ADGRL2: variants seen among roughly 807,000 people sequenced by gnomAD.
The protein encoded by ADGRL2 is adhesion G protein-coupled receptor L2, also known as calcium-independent alpha-latrotoxin receptor 2.
Under a neutral mutation model 157.4 loss-of-function variants are expected in ADGRL2, and 44 were observed. The ratio of observed to expected loss-of-function variants is 0.28; its 90% CI spans 0.22 to 0.36. The LOEUF (loss-of-function observed/expected upper bound fraction) is 0.36. ADGRL2 is among the 10% of genes least tolerant of loss of function. The probability of loss-of-function intolerance (pLI) is 1.00; values close to 1 mark genes in which losing one functional copy is unlikely to be tolerated. For synonymous variants in ADGRL2, 585 were observed against 624.7 expected (o/e 0.94, Z 0.95); for missense variants, 1,510 against 1,768.9 (o/e 0.85, Z 2.63).
chr1:81,616,519 G>C (rs556653784), intron 3 of ADGRL2, among the ~76,000 whole-genome samples: 33 of 152,018 alleles, frequency 2.2e-4, no homozygotes, highest in Non-Finnish European at 4.1e-4. Flanking sequence ...TTTTCTGATT[G>C]TCCATTCGTT....
chr1:81,757,539 C>A lies in ADGRL2; in HGVS notation c.-142-4272C>A, dbSNP rs901314877. On this transcript the variant is annotated intron_variant, in intron 1 of 20. Coordinates refer to the ADGRL2 transcript ENST00000359929. ...AATAAGGTAAACACCAATCTGTAACCAATCCAGCTGTTTCTGTACCTCACT... is the reference window on the plus strand; with the variant it reads ...AATAAGGTAAACACCAATCTGTAACAAATCCAGCTGTTTCTGTACCTCACT... Among the ~76,000 whole-genome samples the A allele has an allele frequency of 5.3e-5, 8 of 152,106 alleles. No homozygotes were observed. The South Asian group carries it at 1.7e-3, about 31-fold the overall frequency.
intron 23 of ADGRL2, chr1:81,990,002 A>T: frequency 1.0e-6 from 1 of 984,564 alleles, no homozygotes; most frequent in Non-Finnish European, 1.2e-6. Context: ...TTTTATTTTT[A>T]TAAACCATAG....
rs1473422396 is a variant in ADGRL2, at chr1:81,725,493, C to G, written c.-143+25685C>G. On this transcript the variant is annotated intron_variant, in intron 1 of 20. Transcript: ENST00000359929. Reference sequence around the variant, plus strand: ...GGTGAAGGTTGCAGTGAGCTGAGATCATGCCATTTCACTCCAGCCTGGGTG... The same window carrying G: ...GGTGAAGGTTGCAGTGAGCTGAGATGATGCCATTTCACTCCAGCCTGGGTG... Among the ~76,000 whole-genome samples, 4 of 151,718 alleles carry G rather than the reference C, an allele frequency of 2.6e-5. No individual in the cohort carries two copies. The East Asian group carries it at 5.8e-4, about 22-fold the overall frequency.
At chr1:81,787,079 T>C (rs2087086251) in intron 2 of ADGRL2, among the ~76,000 whole-genome samples, 1 of 152,114 alleles carries the variant, frequency 6.6e-6, no homozygotes, top group Admixed American at 6.5e-5. Context: ...TGAATCTTCC[T>C]CATTTTTTCT....
chr1:81,792,886 T>C (rs1026725781), intron 2 of ADGRL2, among the ~76,000 whole-genome samples: 1 of 152,106 alleles, frequency 6.6e-6, no homozygotes, highest in African/African-American at 2.4e-5. Context: ...AAACAGACCA[T>C]TTTTAAAATT....
intron 3 of ADGRL2, among the ~76,000 whole-genome samples, chr1:81,932,271 G>C (rs1572201312): frequency 6.6e-6 from 1 of 152,106 alleles, no homozygotes; most frequent in African/African-American, 2.4e-5. Context: ...TGGTTCATAT[G>C]TGATGTATAC....
intron 1 of ADGRL2, among the ~76,000 whole-genome samples, chr1:81,811,741 T>C (rs549264176): frequency 6.6e-6 from 1 of 151,898 alleles, no homozygotes; most frequent in East Asian, 1.9e-4. Flanking sequence ...TTATTCAGAA[T>C]AAGAAGAAAA....
chr1:81,776,805 T>C (rs976356818), intron 2 of ADGRL2, among the ~76,000 whole-genome samples: 17 of 152,212 alleles, frequency 1.1e-4, no homozygotes, highest in African/African-American at 4.1e-4. Flanking sequence ...TCAAGCATTA[T>C]CACTTGCTGG....
intron 3 of ADGRL2, among the ~76,000 whole-genome samples, chr1:81,934,750 G>C (rs1024179553): frequency 6.6e-6 from 1 of 151,938 alleles, no homozygotes; most frequent in South Asian, 2.1e-4. Flanking sequence ...AAACCTAACA[G>C]TTTGGTTGAG....
intron 1 of ADGRL2, among the ~76,000 whole-genome samples, chr1:81,331,994 T>C (rs1557602924): frequency 6.6e-6 from 1 of 152,150 alleles, no homozygotes; most frequent in Non-Finnish European, 1.5e-5. Flanking sequence ...GTTAAATCAA[T>C]ATTACAGCTA....
chr1:81,489,071 C>G (rs748382048), intron 2 of ADGRL2, among the ~76,000 whole-genome samples: 12 of 151,966 alleles, frequency 7.9e-5, no homozygotes, highest in Non-Finnish European at 1.8e-4. Context: ...AACCCTGTCT[C>G]TACTAAAAAT....
At chr1:81,402,328 G>A (rs2076771482) in intron 1 of ADGRL2, among the ~76,000 whole-genome samples, 2 of 152,032 alleles carry the variant, frequency 1.3e-5, no homozygotes, top group Admixed American at 6.6e-5. Flanking sequence ...TCACCTGCTG[G>A]GTACAGAAAC....
intron 3 of ADGRL2, among the ~76,000 whole-genome samples, chr1:81,681,817 A>G (rs1359423655): frequency 6.6e-6 from 1 of 152,190 alleles, no homozygotes; most frequent in Non-Finnish European, 1.5e-5. Flanking sequence ...GATGATTCAT[A>G]TCGTTAATCA....
chr1:81,688,259 T>C (rs1279676832), intron 3 of ADGRL2, among the ~76,000 whole-genome samples: 1 of 152,216 alleles, frequency 6.6e-6, no homozygotes, highest in East Asian at 1.9e-4. Flanking sequence ...TTCCCCCAAA[T>C]ATGTTTTCCA....
chr1:81,398,786 T>A (rs1458454098), intron 1 of ADGRL2, among the ~76,000 whole-genome samples: 3 of 152,222 alleles, frequency 2.0e-5, no homozygotes, highest in Non-Finnish European at 4.4e-5. Flanking sequence ...AATGGAGATT[T>A]TCTTACAGAT....
chr1:81,340,352 C>G (rs904005688), intron 1 of ADGRL2, among the ~76,000 whole-genome samples: 4 of 152,154 alleles, frequency 2.6e-5, no homozygotes, highest in African/African-American at 9.7e-5. Flanking sequence ...CAAGCTTCTG[C>G]TTTTTGAAGA....
At chr1:81,975,642 G>T (rs1660007378) in intron 17 of ADGRL2, among the ~76,000 whole-genome samples, 1 of 151,798 alleles carries the variant, frequency 6.6e-6, no homozygotes, top group Non-Finnish European at 1.5e-5. Context: ...ATTATAATTG[G>T]TGGGGGCGGG....
At chr1:81,792,576 A>G (rs1334055634) in intron 2 of ADGRL2, among the ~76,000 whole-genome samples, 1 of 152,200 alleles carries the variant, frequency 6.6e-6, no homozygotes, top group Non-Finnish European at 1.5e-5. Flanking sequence ...TTCAAAAGAT[A>G]AATCATTTTA....
At chr1:81,962,142 T>C (rs942339682) in intron 11 of ADGRL2, among the ~76,000 whole-genome samples, 9 of 152,182 alleles carry the variant, frequency 5.9e-5, no homozygotes, top group African/African-American at 2.2e-4. Context: ...CTACCTTCTT[T>C]TACCAATTTA....
Sources: gnomAD v4.1 joint callset for allele counts (sites outside exome capture counted in the v4.1 genomes callset) on GRCh38, gnomAD v4.1.1 for gene constraint, MANE v1.5 for transcripts, NCBI Gene and HGNC (gene_info 2026-07-23, HGNC 2026-07-21) for gene names.